The following CNTNAP2 variants were observed in gnomAD, a reference collection of about 807,000 sequenced individuals.
CNTNAP2 encodes the protein contactin associated protein 2.
CNTNAP2 carries 98 observed loss-of-function variants against 155.2 expected under a neutral mutation model. The ratio of observed to expected loss-of-function variants is 0.63; its 90% CI spans 0.54 to 0.75. The LOEUF (loss-of-function observed/expected upper bound fraction) is 0.75, where lower values mean the gene tolerates loss of function less well. CNTNAP2 is among the 30% of genes least tolerant of loss of function. The pLI, the probability that CNTNAP2 is intolerant of heterozygous loss-of-function variation, is 0.00. For synonymous variants in CNTNAP2, 651 were observed against 631.2 expected, an observed-to-expected ratio of 1.03 and a Z score of -0.47; for missense variants, 1,727 against 1,688.1, an observed-to-expected ratio of 1.02 and a Z score of -0.40.
chr7:146,342,974 T>C (rs1007741760), intron 1 of CNTNAP2, among the ~76,000 whole-genome samples: 1 of 152,228 alleles, frequency 6.6e-6, no homozygotes, highest in Non-Finnish European at 1.5e-5. Flanking sequence ...GAAACTGCAC[T>C]GGAGTCATGA....
chr7:147,812,305 G>A (rs1346243281), intron 13 of CNTNAP2, among the ~76,000 whole-genome samples: 1 of 152,014 alleles, frequency 6.6e-6, no homozygotes, highest in East Asian at 1.9e-4. Context: ...CGTTGTTGAT[G>A]TTTTACTTTA....
chr7:148,152,134 T>C (rs1353269324), intron 17 of CNTNAP2, among the ~76,000 whole-genome samples: 1 of 152,120 alleles, frequency 6.6e-6, no homozygotes, highest in Admixed American at 6.5e-5. Context: ...TCTTGCCCGC[T>C]ACACAGGTAA....
chr7:146,400,237 A>G (rs1795694109), intron 1 of CNTNAP2, among the ~76,000 whole-genome samples: 1 of 150,916 alleles, frequency 6.6e-6, no homozygotes, highest in Non-Finnish European at 1.5e-5. Context: ...GAATTTGTGC[A>G]ATGAGTTAAC....
intron 1 of CNTNAP2, among the ~76,000 whole-genome samples, chr7:146,696,809 T>C (rs1447983039): frequency 2.0e-5 from 3 of 152,196 alleles, no homozygotes; most frequent in Non-Finnish European, 4.4e-5. Context: ...TCTGCAAATA[T>C]TTTGGAATTT....
At chr7:148,018,703 A>G (rs1802225297) in intron 15 of CNTNAP2, among the ~76,000 whole-genome samples, 2 of 152,246 alleles carry the variant, frequency 1.3e-5, no homozygotes, top group Admixed American at 6.5e-5. Flanking sequence ...GAGCACCTCC[A>G]CAATGGCTTC....
At chr7:148,361,323 G>A (rs533325942) in intron 21 of CNTNAP2, among the ~76,000 whole-genome samples, 21 of 152,258 alleles carry the variant, frequency 1.4e-4, no homozygotes, top group Non-Finnish European at 2.5e-4. Flanking sequence ...CAAGGGGCCC[G>A]GGATTACACG....
chr7:146,137,691 T>C (rs1374031099), intron 1 of CNTNAP2, among the ~76,000 whole-genome samples: 3 of 152,076 alleles, frequency 2.0e-5, no homozygotes, highest in Admixed American at 6.6e-5. Context: ...TACCATAAAA[T>C]AGATGATTTC....
At chr7:148,327,027 C>T (rs964785937) in intron 21 of CNTNAP2, among the ~76,000 whole-genome samples, 2 of 152,330 alleles carry the variant, frequency 1.3e-5, no homozygotes, top group South Asian at 2.1e-4. Flanking sequence ...AGGTTTGCAA[C>T]GGGCTCGCAG....
chr7:147,753,847 T>G (rs1482581894), intron 13 of CNTNAP2, among the ~76,000 whole-genome samples: 2 of 152,150 alleles, frequency 1.3e-5, no homozygotes, highest in African/African-American at 4.8e-5. Context: ...ATTAGAACTT[T>G]GAGGGAAATC....
chr7:147,169,421 C>T (rs79256035), intron 8 of CNTNAP2, among the ~76,000 whole-genome samples: 187 of 152,200 alleles, frequency 1.2e-3, no homozygotes, highest in African/African-American at 4.0e-3. Flanking sequence ...TTTCAATCAA[C>T]GCCCTCCCTC....
chr7:147,583,089 G>C (rs962651337), intron 12 of CNTNAP2, among the ~76,000 whole-genome samples: 8 of 152,070 alleles, frequency 5.3e-5, no homozygotes, highest in Non-Finnish European at 1.2e-4. Flanking sequence ...AAACCAAGAG[G>C]TGGTGAAAGC....
intron 1 of CNTNAP2, among the ~76,000 whole-genome samples, chr7:146,264,698 G>C (rs1239827554): frequency 1.3e-5 from 2 of 152,166 alleles, no homozygotes; most frequent in Non-Finnish European, 2.9e-5. Context: ...AGTGAAGCGA[G>C]GAAGCGAGAA....
intron 15 of CNTNAP2, among the ~76,000 whole-genome samples, chr7:148,073,485 A>G (rs551970398): frequency 1.4e-4 from 21 of 152,356 alleles, no homozygotes; most frequent in Non-Finnish European, 2.2e-4. Context: ...TTTGTCCAGC[A>G]TATCCACGCG....
chr7:148,005,535 C>T (rs1801960855), intron 15 of CNTNAP2, among the ~76,000 whole-genome samples: 1 of 152,004 alleles, frequency 6.6e-6, no homozygotes, highest in African/African-American at 2.4e-5. Context: ...GGGGTCTGCT[C>T]ACCGGCCCTG....
At chr7:147,473,698 A>T (rs1000993729) in intron 10 of CNTNAP2, among the ~76,000 whole-genome samples, 5 of 152,206 alleles carry the variant, frequency 3.3e-5, no homozygotes, top group Admixed American at 1.3e-4. Context: ...CACAGATAAG[A>T]ATATTTATGC....
chr7:146,694,264 C>T (rs552426262), intron 1 of CNTNAP2, among the ~76,000 whole-genome samples: 3 of 152,262 alleles, frequency 2.0e-5, no homozygotes, highest in South Asian at 2.1e-4. Flanking sequence ...TATGTGTAAA[C>T]AATACTTTTC....
At chr7:146,770,347 C>CAT (rs1456166750) in intron 1 of CNTNAP2, among the ~76,000 whole-genome samples, 4 of 149,026 alleles carry the variant, frequency 2.7e-5, no homozygotes, top group African/African-American at 1.0e-4. Flanking sequence ...CACACACACA[C>CAT]ACATATACAT....
chr7:147,935,134 T>G (rs1800582272), intron 14 of CNTNAP2, among the ~76,000 whole-genome samples: 1 of 152,154 alleles, frequency 6.6e-6, no homozygotes, highest in South Asian at 2.1e-4. Flanking sequence ...AAATCTTTCT[T>G]TCTTTTTTTT....
At chr7:146,737,231 A>G (rs1217001004) in intron 1 of CNTNAP2, among the ~76,000 whole-genome samples, 3 of 152,134 alleles carry the variant, frequency 2.0e-5, no homozygotes, top group African/African-American at 7.2e-5. Flanking sequence ...TGAAATGACT[A>G]AATCTGGCTA....
Sources: allele counts gnomAD v4.1 joint callset (sites outside exome capture counted in the v4.1 genomes callset), GRCh38; gene constraint gnomAD v4.1.1; transcripts MANE v1.5; gene names NCBI Gene and HGNC (gene_info 2026-07-23, HGNC 2026-07-21).